ZNF609: variants seen among roughly 807,000 people sequenced by gnomAD.
The protein encoded by ZNF609 is zinc finger protein 609.
In ZNF609, 11 loss-of-function variants were observed where a neutral mutation model predicts 109.5. The ratio of observed to expected loss-of-function variants is 0.10; its 90% CI spans 0.06 to 0.17. The LOEUF (loss-of-function observed/expected upper bound fraction) is 0.17, where lower values mean the gene tolerates loss of function less well. Among genes scored for constraint, ZNF609 ranks in the 10% least tolerant of loss-of-function variants. The probability of loss-of-function intolerance (pLI) is 1.00; values close to 1 mark genes in which losing one functional copy is unlikely to be tolerated. For synonymous variants in ZNF609, 646 were observed against 662.0 expected (o/e 0.98, Z 0.37); for missense variants, 1,559 against 1,772.4 (o/e 0.88, Z 2.16).
intron 2 of ZNF609, among the ~76,000 whole-genome samples, chr15:64,562,873 GTGTGTGTGT>G (rs1894702997): frequency 3.9e-3 from 1 of 254 alleles, no homozygotes; most frequent in African/African-American, 6.9e-3. Flanking sequence ...GTAAGCGTGA[GTGTGTGTGT>G]GTGTGTGTGT....
At chr15:64,649,400 T>A (rs767328539) in intron 3 of ZNF609, among the ~76,000 whole-genome samples, 118 of 150,792 alleles carry the variant, frequency 7.8e-4, no homozygotes, top group Non-Finnish European at 1.1e-3. Context: ...TCTCACACTC[T>A]CTCTCACACA....
chr15:64,466,940 C>T (rs962679506), intron 1 of ZNF609, among the ~76,000 whole-genome samples: 2 of 152,118 alleles, frequency 1.3e-5, no homozygotes, highest in Admixed American at 6.5e-5. Flanking sequence ...TCTTTCTTCC[C>T]CCCTCCCCTT....
intron 2 of ZNF609, among the ~76,000 whole-genome samples, chr15:64,568,767 G>T (rs2140411516): frequency 6.6e-6 from 1 of 152,176 alleles, no homozygotes; most frequent in East Asian, 1.9e-4. Flanking sequence ...AAAACACTGA[G>T]CTAGGTTCCC....
At chr15:64,510,970 A>C (rs932540510) in intron 2 of ZNF609, among the ~76,000 whole-genome samples, 2 of 144,796 alleles carry the variant, frequency 1.4e-5, no homozygotes, top group African/African-American at 5.1e-5. Context: ...TTTATTTTAC[A>C]AGTTTCCACA....
At chr15:64,616,995 A>G (rs181896349) in intron 2 of ZNF609, among the ~76,000 whole-genome samples, 3 of 150,630 alleles carry the variant, frequency 2.0e-5, no homozygotes, top group Admixed American at 1.3e-4. Context: ...TTTAGTAGAG[A>G]TGGGGTTTCA....
rs1292499365 is a variant in ZNF609 at position 64,624,342 on chromosome 15, A to G, written c.973+1290A>G. On this transcript the variant is annotated intron_variant, in intron 3 of 9. Coordinates refer to ENST00000326648, the MANE Select transcript of ZNF609 (RefSeq NM_015042.2). ...ATCACAAAGTGGCTATCTGATTTTT[A>G]AAATGTCATCTGCTTATGGACAAAT... is the stretch of plus-strand genomic sequence containing the variant. Among the ~76,000 whole-genome samples, 3 of 152,218 alleles carry G rather than the reference A, an allele frequency of 2.0e-5. No individual in the cohort carries two copies. The East Asian group carries it at 5.8e-4, about 29-fold the overall frequency.
intron 8 of ZNF609, 87 bp downstream of exon 8, chr15:64,680,949 C>A: frequency 7.0e-7 from 1 of 1,427,864 alleles, no homozygotes; most frequent in South Asian, 1.3e-5. Flanking sequence ...CAGCTAGGAC[C>A]CTCCTACCTG....
At chr15:64,653,176 C>T in intron 3 of ZNF609, among the ~76,000 whole-genome samples, 1 of 152,098 alleles carries the variant, frequency 6.6e-6, no homozygotes, top group South Asian at 2.1e-4. Flanking sequence ...ATTTTAAAAC[C>T]ATTTCTGGAG....
chr15:64,599,814 T>A (rs1734995507), intron 2 of ZNF609, among the ~76,000 whole-genome samples: 1 of 152,206 alleles, frequency 6.6e-6, no homozygotes. Flanking sequence ...TTAAATACAT[T>A]GTGTTTGTTC....
intron 1 of ZNF609, among the ~76,000 whole-genome samples, chr15:64,462,356 C>A (rs1892955763): frequency 6.6e-6 from 1 of 152,192 alleles, no homozygotes; most frequent in African/African-American, 2.4e-5. Flanking sequence ...AAGAAGACTT[C>A]AAGGGAAGGT....
intron 2 of ZNF609, among the ~76,000 whole-genome samples, chr15:64,605,545 A>G (rs188385856): frequency 3.4e-4 from 52 of 152,328 alleles, no homozygotes; most frequent in South Asian, 1.2e-3. Context: ...CTTTTACTGT[A>G]TATAGCTAGG....
chr15:64,460,942 G>T (rs1892930201), intron 1 of ZNF609, 104 bp downstream of exon 1: 2 of 126,794 alleles, frequency 1.6e-5, no homozygotes, highest in Admixed American at 1.6e-4. Context: ...GGGGGCGGCG[G>T]CGCTGCCTGA....
intron 6 of ZNF609, among the ~76,000 whole-genome samples, chr15:64,679,116 A>G (rs538343000): frequency 6.6e-6 from 1 of 152,332 alleles, no homozygotes; most frequent in East Asian, 1.9e-4. Context: ...CTTGTTGCAC[A>G]GGCTAGAGTG....
At chr15:64,563,384 G>T (rs757860975) in intron 2 of ZNF609, among the ~76,000 whole-genome samples, 2 of 141,238 alleles carry the variant, frequency 1.4e-5, no homozygotes, top group Non-Finnish European at 1.5e-5. Context: ...CCAGCAAATC[G>T]AGGCTGCAGT....
chr15:64,645,096 T>TCCCC (rs1896315957), intron 3 of ZNF609, among the ~76,000 whole-genome samples: 1 of 56,188 alleles, frequency 1.8e-5, no homozygotes, highest in Non-Finnish European at 3.6e-5. Context: ...CCTCCCTCCC[T>TCCCC]CCCTCCCTCC....
chr15:64,662,718 T>G (rs1176738465), intron 3 of ZNF609, among the ~76,000 whole-genome samples: 1 of 151,806 alleles, frequency 6.6e-6, no homozygotes, highest in Non-Finnish European at 1.5e-5. Flanking sequence ...CAGACGGGAG[T>G]GCAGTGGCGC....
intron 2 of ZNF609, among the ~76,000 whole-genome samples, chr15:64,594,544 C>G (rs693645): frequency 0.74 from 112,398 of 151,322 alleles, 45,262 homozygotes; most frequent in East Asian, 0.96. Flanking sequence ...CACCATGTTG[C>G]CCAGCCTGGT....
intron 2 of ZNF609, among the ~76,000 whole-genome samples, chr15:64,511,774 G>GC (rs1392761227): frequency 6.6e-6 from 1 of 150,654 alleles, no homozygotes; most frequent in African/African-American, 2.4e-5. Flanking sequence ...GAGTGCAGTG[G>GC]CGCGATCTAG....
At chr15:64,533,648 GT>G in intron 2 of ZNF609, among the ~76,000 whole-genome samples, 1 of 152,040 alleles carries the variant, frequency 6.6e-6, no homozygotes, top group Admixed American at 6.6e-5. Flanking sequence ...TTTCAGTGTG[GT>G]TTTTGTCTAC....
Sources: allele counts gnomAD v4.1 joint callset (sites outside exome capture counted in the v4.1 genomes callset), GRCh38; gene constraint gnomAD v4.1.1; transcripts MANE v1.5; gene names NCBI Gene and HGNC (gene_info 2026-07-23, HGNC 2026-07-21).